Variants in PUM3 observed in about 807,000 individuals in gnomAD.
The protein encoded by PUM3 is pumilio homolog 3.
In PUM3, 91 loss-of-function variants were observed where a neutral mutation model predicts 84.0. The observed-to-expected ratio is 1.08, with a 90% CI of 0.91 to 1.29. PUM3 has a LOEUF of 1.29. Among genes scored for constraint, PUM3 ranks in the 50% most tolerant of loss-of-function variants. The pLI is 0.00. For synonymous variants in PUM3, 321 were observed against 266.7 expected (o/e 1.20, Z -1.98); for missense variants, 1,067 against 767.5 (o/e 1.39, Z -4.61).
rs1239366741 is a variant in PUM3, at chr9:2,807,838, T to C, written c.1790A>G (p.Asn597Ser). The change falls in exon 17 of 18, where the codon AAT becomes AGT. Residue 597 changes from asparagine (N) to serine (S), a missense_variant. By Grantham distance (46) the Asn-to-Ser change is conservative. Coordinates refer to ENST00000397885, the MANE Select transcript of PUM3 (RefSeq NM_014878.5). ...CCTAGAAAGAATAATGGCACCTCGA[T>C]TTACACTAGCCCAGGACTTCAGGTT... ...MKNLKSWASV[N>S]RGAIILSSLL... 5.6e-6 allele frequency: 9 copies of C among 1,613,498 alleles called. No homozygotes were observed. Among genetic ancestry groups the C allele is most frequent in the Non-Finnish European group, 6.8e-6 (8 of 1,179,650 alleles).
At chr9:2,805,821 C>T (rs1032513166) in intron 17 of PUM3, among the ~76,000 whole-genome samples, 4 of 151,586 alleles carry the variant, frequency 2.6e-5, no homozygotes, top group Non-Finnish European at 4.4e-5. Context: ...AAAATTAAGG[C>T]CCAGAAAAGC....
At chr9:2,818,416 A>G (rs1487494551) in intron 13 of PUM3, among the ~76,000 whole-genome samples, 2 of 152,234 alleles carry the variant, frequency 1.3e-5, no homozygotes, top group East Asian at 1.9e-4. Context: ...ACATCTTTGG[A>G]AAAAAATTAA....
chr9:2,830,925 C>T (rs989096970), intron 7 of PUM3, 37 bp downstream of exon 7: 4 of 1,078,434 alleles, frequency 3.7e-6, no homozygotes, highest in Admixed American at 4.1e-5. Flanking sequence ...CTTCAAAAGA[C>T]AAAGAAAAAA....
intron 17 of PUM3, 91 bp from the exon 18 acceptor site, chr9:2,804,554 G>T: frequency 1.7e-6 from 2 of 1,203,720 alleles, no homozygotes; most frequent in Non-Finnish European, 2.3e-6. Context: ...TTTGTTAACT[G>T]TGACACAAGC....
intron 5 of PUM3, among the ~76,000 whole-genome samples, chr9:2,832,785 GGTGCC>G (rs1254990771): frequency 6.6e-6 from 1 of 152,132 alleles, no homozygotes; most frequent in Non-Finnish European, 1.5e-5. Flanking sequence ...TGCCCCTCCA[GGTGCC>G]GTAAAACTAT....
At chr9:2,842,661 C>A (rs139814784) in intron 1 of PUM3, among the ~76,000 whole-genome samples, 16 of 152,246 alleles carry the variant, frequency 1.1e-4, no homozygotes, top group Non-Finnish European at 2.1e-4. Context: ...AATCTCCTGG[C>A]TTTTTATGCT....
intron 1 of PUM3, among the ~76,000 whole-genome samples, chr9:2,839,822 T>G (rs1816222336): frequency 6.6e-6 from 1 of 152,240 alleles, no homozygotes; most frequent in South Asian, 2.1e-4. Context: ...ATGTTTTCTC[T>G]GTATGTTTGT....
At chr9:2,826,997 C>T in intron 10 of PUM3, 76 bp downstream of exon 10, 2 of 1,111,838 alleles carry the variant, frequency 1.8e-6, no homozygotes, top group South Asian at 1.4e-5. Flanking sequence ...AGACAACGTA[C>T]ATCAAAGCAG....
At chr9:2,807,673 G>A (rs547658645) in intron 17 of PUM3, 141 bp downstream of exon 17, 71 of 461,724 alleles carry the variant, frequency 1.5e-4, no homozygotes, top group African/African-American at 1.4e-3. Context: ...CTAATATTTG[G>A]TATGTTTGTC....
chr9:2,808,971 G>C (rs1030499366), intron 16 of PUM3, among the ~76,000 whole-genome samples: 1 of 152,146 alleles, frequency 6.6e-6, no homozygotes, highest in Non-Finnish European at 1.5e-5. Flanking sequence ...ACCATCTCGT[G>C]AAGGAGCCCA....
rs193088045 is a variant in PUM3, at chr9:2,820,019, G to T, written c.1268C>A (p.Ser423Ter). The T allele has an allele frequency of 6.3e-7, 1 of 1,597,752 alleles. No homozygotes were observed. Residue 423 changes from serine to a stop codon, truncating the protein, a stop_gained and splice_region_variant, in exon 13 of 18, where the codon TCA (serine) becomes TAA (stop). Coordinates refer to ENST00000397885, the MANE Select transcript of PUM3 (RefSeq NM_014878.5). LOFTEE classifies it high-confidence loss of function. ...DTKLVKQIII[S>*]EIISSLPSIV... ...TTCAAGACCATCAGGATTACTTACT[G>T]ATATGATTATCTGCTTCACAAGCTT...
intron 17 of PUM3, among the ~76,000 whole-genome samples, chr9:2,805,919 T>C (rs1821248610): frequency 6.6e-6 from 1 of 152,162 alleles, no homozygotes; most frequent in Admixed American, 6.5e-5. Flanking sequence ...GAATTCTGCT[T>C]CTCTGAGTTA....
intron 16 of PUM3, among the ~76,000 whole-genome samples, chr9:2,809,636 T>C (rs756610429): frequency 1.3e-5 from 2 of 152,142 alleles, no homozygotes; most frequent in African/African-American, 2.4e-5. Context: ...AAGCCCAAAC[T>C]GTTTTAACTC....
In PUM3 at chr9:2,829,783, C is replaced by G. The variant is rs1185551255; in HGVS notation, c.843G>C (p.Gln281His). Residue 281 changes from glutamine (Q) to histidine (H), a missense_variant, in exon 8 of 18, where the codon CAG becomes CAC. Coordinates refer to ENST00000397885, the MANE Select transcript of PUM3 (RefSeq NM_014878.5). The stretch of plus-strand genomic sequence containing the variant: ...CTTCTGGAGATGTCACCTTGTAAAG[C>G]TGAAATGTGTTCCCATAGAGCTCTT... ...LTEELYGNTFQLYKSADHRTL... is the reference protein window; with the variant it reads ...LTEELYGNTFHLYKSADHRTL... 10 of 1,610,894 alleles carry G rather than the reference C, an allele frequency of 6.2e-6. No homozygotes were observed. In the South Asian group the frequency reaches 9.9e-5, roughly 16 times the overall value.
chr9:2,831,113 G>T, intron 6 of PUM3, 85 bp from the exon 7 acceptor site: 2 of 991,454 alleles, frequency 2.0e-6, no homozygotes, highest in South Asian at 1.5e-5. Context: ...CCCAGGCAAG[G>T]AAAAAATAAA....
chr9:2,837,615 TAGAGA>T (rs1816162793), intron 2 of PUM3, among the ~76,000 whole-genome samples: 1 of 150,210 alleles, frequency 6.7e-6, no homozygotes, highest in Non-Finnish European at 1.5e-5. Context: ...ACCTAGAGAG[TAGAGA>T]AATGTAAAAT....
At chr9:2,841,790 A>G (rs913216924) in intron 1 of PUM3, among the ~76,000 whole-genome samples, 1 of 151,890 alleles carries the variant, frequency 6.6e-6, no homozygotes, top group Non-Finnish European at 1.5e-5. Context: ...TGTTTATAAT[A>G]TAGTTTAACT....
intron 13 of PUM3, among the ~76,000 whole-genome samples, chr9:2,816,682 C>G (rs1821476296): frequency 1.3e-5 from 2 of 152,144 alleles, no homozygotes; most frequent in Admixed American, 1.3e-4. Context: ...GGCCTGGCCA[C>G]TCATTTACCT....
chr9:2,829,542 A>G (rs1815915388), intron 8 of PUM3, among the ~76,000 whole-genome samples: 1 of 152,212 alleles, frequency 6.6e-6, no homozygotes, highest in African/African-American at 2.4e-5. Flanking sequence ...CACTCAGGAG[A>G]GGAACAAAGT....
Sources: gnomAD v4.1 joint callset for allele counts (sites outside exome capture counted in the v4.1 genomes callset) on GRCh38, gnomAD v4.1.1 for gene constraint, MANE v1.5 for transcripts, NCBI Gene and HGNC (gene_info 2026-07-23, HGNC 2026-07-21) for gene names.